The following TMPRSS11E variants were observed in gnomAD, a reference collection of about 807,000 sequenced individuals.
TMPRSS11E encodes the protein transmembrane serine protease 11E.
A neutral mutation model predicts 48.1 loss-of-function variants in TMPRSS11E; 38 were observed. The ratio of observed to expected loss-of-function variants is 0.79; its 90% CI spans 0.61 to 1.04. The LOEUF (loss-of-function observed/expected upper bound fraction) is 1.04. Among genes scored for constraint, TMPRSS11E ranks in the 50% least tolerant of loss-of-function variants. The probability of loss-of-function intolerance (pLI) is 0.00; values close to 1 mark genes in which losing one functional copy is unlikely to be tolerated. For synonymous variants in TMPRSS11E, 158 were observed against 171.9 expected (o/e 0.92, Z 0.63); for missense variants, 530 against 510.8 (o/e 1.04, Z -0.36).
chr4:68,474,679 A>G (rs1560553799), intron 5 of TMPRSS11E, 44 bp from the exon 6 acceptor site: 1 of 1,586,230 alleles, frequency 6.3e-7, no homozygotes, highest in East Asian at 2.3e-5. Context: ...GGCATAGTGT[A>G]ACTCTGATGT....
chr4:68,482,155 G>A (rs1421775301), intron 9 of TMPRSS11E, among the ~76,000 whole-genome samples: 3 of 104,832 alleles, frequency 2.9e-5, no homozygotes, highest in African/African-American at 1.0e-4. Flanking sequence ...GTGAAAGCAG[G>A]AGCAAGAGGG....
intron 9 of TMPRSS11E, among the ~76,000 whole-genome samples, chr4:68,489,440 C>A (rs1435458391): frequency 6.6e-6 from 1 of 152,174 alleles, no homozygotes; most frequent in Non-Finnish European, 1.5e-5. Flanking sequence ...CTTGTGCTCA[C>A]ATACGTGCTG....
intron 1 of TMPRSS11E, among the ~76,000 whole-genome samples, chr4:68,449,455 T>C (rs1190684103): frequency 1.3e-5 from 2 of 151,204 alleles, no homozygotes; most frequent in African/African-American, 2.4e-5. Context: ...TCCACACATA[T>C]TGAGATGGCT....
Position 68,466,649 on chromosome 4 carries a change from A to AT in TMPRSS11E, c.157dup (p.Tyr53LeufsTer3). ...CTTGTAGATCAAAAGAAGACCTACA[A>AT]TTACTATAGCACATTGTCATTTACA... On this transcript the variant is annotated frameshift_variant, in exon 3 of 10. Coordinates refer to ENST00000305363, the MANE Select transcript of TMPRSS11E (RefSeq NM_014058.4). LOFTEE classifies it high-confidence loss of function. 6.2e-7 allele frequency: 1 copy of AT among 1,612,742 alleles called. No homozygotes were observed. Among genetic ancestry groups the AT allele is most frequent in the Non-Finnish European group, 8.5e-7 (1 of 1,179,426 alleles).
chr4:68,482,038 GC>G, intron 9 of TMPRSS11E, among the ~76,000 whole-genome samples: 1 of 152,152 alleles, frequency 6.6e-6, no homozygotes. Flanking sequence ...GATTCTGCAG[GC>G]TTTATGGGCA....
chr4:68,482,896 G>A (rs2109708026), intron 9 of TMPRSS11E, among the ~76,000 whole-genome samples: 1 of 152,266 alleles, frequency 6.6e-6, no homozygotes, highest in South Asian at 2.1e-4. Flanking sequence ...CATTTAACCA[G>A]TTTCTAAGAA....
Position 68,496,631 on chromosome 4 carries a change from C to A in TMPRSS11E, c.1111-12C>A, listed in dbSNP as rs1729873632. 3 of 1,600,784 alleles carry A rather than the reference C, an allele frequency of 1.9e-6. No individual in the cohort carries two copies. Among genetic ancestry groups the A allele is most frequent in the Non-Finnish European group, 1.7e-6 (2 of 1,175,136 alleles). ...TGAATTATGAATTACTAATTTCTGT[C>A]TTCTCCTTTAGGGTGACTCTGGAGG... On this transcript the variant is annotated splice_polypyrimidine_tract_variant and intron_variant, in intron 9 of 9. Transcript: ENST00000305363.
intron 9 of TMPRSS11E, among the ~76,000 whole-genome samples, chr4:68,485,068 T>A (rs1457427320): frequency 6.6e-6 from 1 of 152,202 alleles, no homozygotes; most frequent in African/African-American, 2.4e-5. Context: ...TTCATTATGA[T>A]GTTGGTTATG....
intron 2 of TMPRSS11E, among the ~76,000 whole-genome samples, chr4:68,465,002 A>G (rs1728888684): frequency 6.6e-6 from 1 of 152,252 alleles, no homozygotes; most frequent in South Asian, 2.1e-4. Flanking sequence ...ATAGTTAACT[A>G]TGAGGCAGAT....
At chr4:68,464,778 T>C (rs1265475402) in intron 2 of TMPRSS11E, among the ~76,000 whole-genome samples, 1 of 152,204 alleles carries the variant, frequency 6.6e-6, no homozygotes, top group African/African-American at 2.4e-5. Flanking sequence ...AAGGGTCTGT[T>C]AGCATTCTGT....
At chr4:68,480,029 T>C (rs1729359828) in intron 9 of TMPRSS11E, among the ~76,000 whole-genome samples, 3 of 152,258 alleles carry the variant, frequency 2.0e-5, no homozygotes, top group African/African-American at 7.2e-5. Flanking sequence ...TTTTTTCCAA[T>C]AGATGAGGTG....
chr4:68,477,783 C>A (rs1354222363), intron 8 of TMPRSS11E, among the ~76,000 whole-genome samples, 155 bp downstream of exon 8: 1 of 152,154 alleles, frequency 6.6e-6, no homozygotes, highest in Admixed American at 6.5e-5. Context: ...TTGGAAGGCA[C>A]AAAAATTCCT....
At chr4:68,473,001 A>G (rs1729116408) in intron 5 of TMPRSS11E, among the ~76,000 whole-genome samples, 1 of 152,082 alleles carries the variant, frequency 6.6e-6, no homozygotes, top group Non-Finnish European at 1.5e-5. Flanking sequence ...CATGGAAATT[A>G]TGCAACTATA....
intron 9 of TMPRSS11E, among the ~76,000 whole-genome samples, chr4:68,479,347 T>C (rs1251620141): frequency 6.6e-6 from 1 of 152,046 alleles, no homozygotes; most frequent in Non-Finnish European, 1.5e-5. Context: ...TCTATAATTT[T>C]TCAATTTTCA....
In TMPRSS11E at chr4:68,457,800, G is replaced by T. The variant is rs541307590; in HGVS notation, c.12-4021G>T. Among the ~76,000 whole-genome samples the T allele has an allele frequency of 1.0e-4, 15 of 149,804 alleles. No individual in the cohort carries two copies. The South Asian group carries it at 3.0e-3, about 30-fold the overall frequency. The stretch of plus-strand genomic sequence containing the variant: ...CTTTGCAGGGACACGGATGAAGCCG[G>T]AAACCATCATTCTCAGCAAACTAAC... On this transcript the variant is annotated intron_variant, in intron 1 of 9. Coordinates refer to ENST00000305363, the MANE Select transcript of TMPRSS11E (RefSeq NM_014058.4).
At chr4:68,457,016 C>T (rs903199755) in intron 1 of TMPRSS11E, among the ~76,000 whole-genome samples, 4 of 152,108 alleles carry the variant, frequency 2.6e-5, no homozygotes, top group Non-Finnish European at 5.9e-5. Flanking sequence ...ATGACTAAAA[C>T]ACCAAAAGCA....
intron 1 of TMPRSS11E, among the ~76,000 whole-genome samples, chr4:68,449,642 T>C (rs1222229087): frequency 6.6e-6 from 1 of 151,796 alleles, no homozygotes; most frequent in Non-Finnish European, 1.5e-5. Flanking sequence ...GGTTGAGACA[T>C]GGAAATCATA....
At chr4:68,452,143 C>G (rs1728515146) in intron 1 of TMPRSS11E, among the ~76,000 whole-genome samples, 1 of 151,844 alleles carries the variant, frequency 6.6e-6, no homozygotes, top group African/African-American at 2.4e-5. Flanking sequence ...GTGAGTCAGT[C>G]AAGACAGAGA....
intron 3 of TMPRSS11E, among the ~76,000 whole-genome samples, chr4:68,467,309 C>G (rs1347458798): frequency 1.3e-5 from 2 of 152,124 alleles, no homozygotes; most frequent in South Asian, 4.1e-4. Flanking sequence ...ACCCTTAACG[C>G]ATCAACATTC....
Sources: gnomAD v4.1 joint callset for allele counts (sites outside exome capture counted in the v4.1 genomes callset) on GRCh38, gnomAD v4.1.1 for gene constraint, MANE v1.5 for transcripts, NCBI Gene and HGNC (gene_info 2026-07-23, HGNC 2026-07-21) for gene names.